The following NR6A1 variants were observed in gnomAD, a reference collection of about 807,000 sequenced individuals.
NR6A1 encodes nuclear receptor subfamily 6 group A member 1, also known as retinoic acid receptor-related testis-associated receptor.
A neutral mutation model predicts 59.1 loss-of-function variants in NR6A1; 7 were observed. That is an observed-to-expected ratio of 0.12 (90% CI 0.07 to 0.22). The LOEUF (loss-of-function observed/expected upper bound fraction) is 0.22, where lower values mean the gene tolerates loss of function less well. Ranked by LOEUF, NR6A1 falls within the 10% of genes least tolerant of loss-of-function variation. The pLI, the probability that NR6A1 is intolerant of heterozygous loss-of-function variation, is 1.00. For synonymous variants in NR6A1, 243 were observed against 236.1 expected, an observed-to-expected ratio of 1.03 and a Z score of -0.27; for missense variants, 468 against 611.6, an observed-to-expected ratio of 0.77 and a Z score of 2.48.
intron 3 of NR6A1, among the ~76,000 whole-genome samples, chr9:124,549,112 T>C (rs768865772): frequency 9.9e-5 from 15 of 152,184 alleles, no homozygotes; most frequent in Non-Finnish European, 2.1e-4. Flanking sequence ...GCAGAAGGCA[T>C]GCAAAAAAGC....
chr9:124,647,676 G>A (rs1186466461), intron 2 of NR6A1, among the ~76,000 whole-genome samples: 5 of 144,040 alleles, frequency 3.5e-5, no homozygotes, highest in African/African-American at 5.2e-5. Context: ...GCAGTGAGCC[G>A]AGATCATGCC....
intron 2 of NR6A1, among the ~76,000 whole-genome samples, chr9:124,570,212 G>A (rs983376140): frequency 6.6e-6 from 1 of 152,158 alleles, no homozygotes; most frequent in Non-Finnish European, 1.5e-5. Flanking sequence ...CTTGCAACAT[G>A]TGGATTCAGT....
intron 2 of NR6A1, among the ~76,000 whole-genome samples, chr9:124,615,152 G>A (rs1486387349): frequency 6.6e-6 from 1 of 152,166 alleles, no homozygotes; most frequent in African/African-American, 2.4e-5. Context: ...AAAAGAAATT[G>A]CTGAACTTCC....
chr9:124,633,755 A>G (rs561180628), intron 2 of NR6A1, among the ~76,000 whole-genome samples: 12 of 152,222 alleles, frequency 7.9e-5, no homozygotes, highest in Non-Finnish European at 1.6e-4. Flanking sequence ...GCCAACTGCT[A>G]AATCCATTTT....
intron 2 of NR6A1, among the ~76,000 whole-genome samples, chr9:124,665,498 T>A (rs1837585333): frequency 6.6e-6 from 1 of 152,134 alleles, no homozygotes; most frequent in Non-Finnish European, 1.5e-5. Flanking sequence ...AAAAACTGAG[T>A]CACCTTTTAA....
In NR6A1 at chr9:124,642,601, A is replaced by G. The variant is rs989383911; in HGVS notation, c.143-88031T>C. Reference sequence around the variant, plus strand: ...TCTATCCCCTGTCGTGACAACCAAAAAATGTCTTCATATTGCCAAATCAAC... The same window carrying G: ...TCTATCCCCTGTCGTGACAACCAAAGAATGTCTTCATATTGCCAAATCAAC... On this transcript the variant is annotated intron_variant, in intron 2 of 9. Coordinates refer to ENST00000487099, the MANE Select transcript of NR6A1 (RefSeq NM_033334.4). 3.3e-5 allele frequency among the ~76,000 whole-genome samples: 5 copies of G among 152,314 alleles called. No homozygotes were observed. In the South Asian group the frequency reaches 1.0e-3, roughly 32 times the overall value.
chr9:124,569,108 A>T (rs935289723), intron 2 of NR6A1, among the ~76,000 whole-genome samples: 4 of 152,066 alleles, frequency 2.6e-5, no homozygotes, highest in Middle Eastern at 3.2e-3. Flanking sequence ...GCAAGACTCC[A>T]TCTCAAAAAA....
chr9:124,620,738 C>T (rs1036479555), intron 2 of NR6A1, among the ~76,000 whole-genome samples: 1 of 151,478 alleles, frequency 6.6e-6, no homozygotes, highest in African/African-American at 2.4e-5. Context: ...GGTTGCAAAA[C>T]TTGGTAAATA....
chr9:124,765,475 C>G (rs1042347654), intron 1 of NR6A1, among the ~76,000 whole-genome samples: 5 of 152,156 alleles, frequency 3.3e-5, no homozygotes, highest in Admixed American at 6.5e-5. Flanking sequence ...TCAATTATTC[C>G]TATAATTTTT....
chr9:124,639,546 T>A (rs1004169513), intron 2 of NR6A1, among the ~76,000 whole-genome samples: 3 of 152,190 alleles, frequency 2.0e-5, no homozygotes, highest in Admixed American at 6.5e-5. Flanking sequence ...GTATGTCAAG[T>A]AAATGTTCTT....
Position 124,536,071 on chromosome 9 carries a change from A to G in NR6A1, c.886T>C (p.Phe296Leu). ...TTCTTGATCCAGGCAATCTGCCTAA[A>G]GAGCAGCTCGTCGGCCAGGCGGCAA... The part of the protein sequence containing the change: ...LLCRLADELL[F>L]RQIAWIKKLP... The change falls in exon 7 of 10, where the codon TTT becomes CTT. Residue 296 changes from phenylalanine to leucine, a missense_variant. Phe to Leu is a conservative substitution (Grantham distance 22). Around this residue, in one of 4 missense-constraint regions of NR6A1, gnomAD observed 176 missense variants for 264.0 expected, o/e 0.67. Coordinates refer to ENST00000487099, the MANE Select transcript of NR6A1 (RefSeq NM_033334.4). 6.2e-7 allele frequency: 1 copy of G among 1,614,206 alleles called. No homozygotes were observed. Among genetic ancestry groups the G allele is most frequent in the South Asian group, 1.1e-5 (1 of 91,078 alleles).
At chr9:124,700,803 C>CA in intron 2 of NR6A1, among the ~76,000 whole-genome samples, 1 of 133,920 alleles carries the variant, frequency 7.5e-6, no homozygotes, top group Non-Finnish European at 1.5e-5. Flanking sequence ...CCCTGTGGCT[C>CA]AGGCTGGAGT....
chr9:124,737,268 T>G (rs1840044139), intron 1 of NR6A1, among the ~76,000 whole-genome samples: 1 of 152,212 alleles, frequency 6.6e-6, no homozygotes, highest in Non-Finnish European at 1.5e-5. Flanking sequence ...CTGAGACCAC[T>G]GCTATTATGT....
intron 2 of NR6A1, among the ~76,000 whole-genome samples, chr9:124,575,222 C>T (rs1834554066): frequency 6.6e-6 from 1 of 152,184 alleles, no homozygotes; most frequent in Admixed American, 6.5e-5. Flanking sequence ...CTATCAAAAC[C>T]TAGTACAGTA....
In NR6A1 at chr9:124,703,207, ATTTTT is replaced by A. The variant is rs80014383; in HGVS notation, c.142+30096_142+30100del. On this transcript the variant is annotated intron_variant, in intron 2 of 9. Transcript: ENST00000487099. ...GGCGTGAGCCACCACACACGGCCAC[ATTTTT>A]TTTTTTTTTTTTTTTTTTGAGACAG... Among the ~76,000 whole-genome samples, 503 of 104,544 alleles carry A rather than the reference ATTTTT, an allele frequency of 4.8e-3. 1 individual carries two copies. The highest frequency in any genetic ancestry group is 6.7e-3 in the Non-Finnish European group (353 of 52,464). 68.6% of individuals were successfully genotyped at this position (104,544 alleles called of 152,430 possible).
intron 2 of NR6A1, among the ~76,000 whole-genome samples, chr9:124,604,784 A>C (rs1179843841): frequency 6.6e-6 from 1 of 152,156 alleles, no homozygotes; most frequent in East Asian, 1.9e-4. Flanking sequence ...ACTGCATTCC[A>C]GCCTGAGTGA....
chr9:124,743,581 C>G (rs1352845797), intron 1 of NR6A1, among the ~76,000 whole-genome samples: 1 of 151,698 alleles, frequency 6.6e-6, no homozygotes, highest in African/African-American at 2.4e-5. Flanking sequence ...CCTACATCAC[C>G]TTTCATATAG....
intron 2 of NR6A1, among the ~76,000 whole-genome samples, chr9:124,597,510 T>C (rs1205748767): frequency 2.0e-5 from 3 of 152,166 alleles, no homozygotes; most frequent in Non-Finnish European, 4.4e-5. Context: ...AGAGGTGTAG[T>C]AAGCCTCTGT....
At chr9:124,608,898 T>C (rs1298835588) in intron 2 of NR6A1, among the ~76,000 whole-genome samples, 1 of 152,266 alleles carries the variant, frequency 6.6e-6, no homozygotes, top group African/African-American at 2.4e-5. Flanking sequence ...TGATCAGTGA[T>C]GTTGAGCTTT....
Sources: allele counts gnomAD v4.1 joint callset (sites outside exome capture counted in the v4.1 genomes callset), GRCh38; gene constraint gnomAD v4.1.1; regional missense constraint gnomAD v4.1.1; transcripts MANE v1.5; gene names NCBI Gene and HGNC (gene_info 2026-07-23, HGNC 2026-07-21).